Variants in ENTREP2 observed in about 807,000 individuals in gnomAD.
The protein encoded by ENTREP2 is endosomal transmembrane epsin interactor 2, also known as protein ENTREP2.
At chr15:29,228,998 T>C in the ENTREP2 span, among the ~76,000 whole-genome samples, 4 of 152,130 alleles carry the variant, frequency 2.6e-5, no homozygotes, top group East Asian at 1.9e-4. Flanking sequence ...AACATTTTTG[T>C]CCTTGGTAAT....
At chr15:29,439,915 A>G in the ENTREP2 span, among the ~76,000 whole-genome samples, 1 of 152,168 alleles carries the variant, frequency 6.6e-6, no homozygotes, top group Admixed American at 6.5e-5. Context: ...AGTAAGTCAC[A>G]TGTTGACATC....
chr15:29,318,013 A>G, the ENTREP2 span, among the ~76,000 whole-genome samples: 1 of 152,196 alleles, frequency 6.6e-6, no homozygotes, highest in Non-Finnish European at 1.5e-5. Flanking sequence ...CATGGCTCTC[A>G]CAGGCAACAA....
the ENTREP2 span, among the ~76,000 whole-genome samples, chr15:29,553,255 C>T: frequency 6.6e-6 from 1 of 152,102 alleles, no homozygotes; most frequent in Non-Finnish European, 1.5e-5. Flanking sequence ...GAGATCGCAC[C>T]ACTGTACTCC....
At chr15:29,522,198 C>A in the ENTREP2 span, among the ~76,000 whole-genome samples, 1 of 152,052 alleles carries the variant, frequency 6.6e-6, no homozygotes. Context: ...AGAATGGAAA[C>A]AAATCTTTAT....
At chr15:29,138,208 A>T in the ENTREP2 span, among the ~76,000 whole-genome samples, 1 of 152,170 alleles carries the variant, frequency 6.6e-6, no homozygotes, top group Middle Eastern at 3.4e-3. Flanking sequence ...AGAACATTCT[A>T]CTGGCCAACC....
the ENTREP2 span, among the ~76,000 whole-genome samples, chr15:29,349,740 T>C: frequency 2.0e-5 from 3 of 151,810 alleles, no homozygotes; most frequent in African/African-American, 7.3e-5. Flanking sequence ...TCCACTAAAA[T>C]ACAAAAAATT....
the ENTREP2 span, among the ~76,000 whole-genome samples, chr15:29,605,509 C>T: frequency 1.3e-5 from 2 of 152,150 alleles, no homozygotes; most frequent in Non-Finnish European, 2.9e-5. Flanking sequence ...CTAAATCTGA[C>T]TCATTTTTTA....
chr15:29,214,489 G>A, the ENTREP2 span, among the ~76,000 whole-genome samples: 1 of 152,138 alleles, frequency 6.6e-6, no homozygotes, highest in Non-Finnish European at 1.5e-5. Context: ...ACTGAACAAT[G>A]AGAACACTTG....
the ENTREP2 span, among the ~76,000 whole-genome samples, chr15:29,486,515 A>T: frequency 6.6e-6 from 1 of 152,132 alleles, no homozygotes; most frequent in East Asian, 1.9e-4. Flanking sequence ...ACATGGTGAA[A>T]CCCCATCTCC....
At chr15:29,351,917 G>T in the ENTREP2 span, among the ~76,000 whole-genome samples, 1 of 151,950 alleles carries the variant, frequency 6.6e-6, no homozygotes, top group African/African-American at 2.4e-5. Flanking sequence ...GGGATTACAT[G>T]CACGAGCCAC....
the ENTREP2 span, among the ~76,000 whole-genome samples, chr15:29,543,261 G>T: frequency 6.6e-6 from 1 of 152,158 alleles, no homozygotes; most frequent in East Asian, 1.9e-4. Flanking sequence ...TGGTGCCAGT[G>T]AACAAAGGAG....
chr15:29,297,930 G>A, the ENTREP2 span, among the ~76,000 whole-genome samples: 1 of 152,202 alleles, frequency 6.6e-6, no homozygotes, highest in Non-Finnish European at 1.5e-5. Context: ...CACATTTAGT[G>A]TTGAAACAAT....
the ENTREP2 span, among the ~76,000 whole-genome samples, chr15:29,139,746 G>C: frequency 6.6e-6 from 1 of 152,144 alleles, no homozygotes; most frequent in Non-Finnish European, 1.5e-5. Context: ...CCACCTTCCT[G>C]GACCCTTTTC....
At chr15:29,456,456 G>A in the ENTREP2 span, among the ~76,000 whole-genome samples, 24 of 152,274 alleles carry the variant, frequency 1.6e-4, no homozygotes, top group Admixed American at 5.2e-4. Flanking sequence ...TGGGGGTGAC[G>A]TCAAGGCTAT....
chr15:29,491,272 A>C, the ENTREP2 span, among the ~76,000 whole-genome samples: 1 of 152,130 alleles, frequency 6.6e-6, no homozygotes, highest in African/African-American at 2.4e-5. Flanking sequence ...ACCTCCCCGT[A>C]AGCAGAGGGA....
At chr15:29,169,633 T>C in the ENTREP2 span, among the ~76,000 whole-genome samples, 1 of 152,218 alleles carries the variant, frequency 6.6e-6, no homozygotes, top group Non-Finnish European at 1.5e-5. Context: ...AAGGATGTTT[T>C]AACATAATGT....
At chr15:29,226,978 G>A in the ENTREP2 span, among the ~76,000 whole-genome samples, 2 of 152,212 alleles carry the variant, frequency 1.3e-5, no homozygotes. Context: ...ACTGAACTAG[G>A]TTGTCACACA....
At chr15:29,443,265 A>G in the ENTREP2 span, among the ~76,000 whole-genome samples, 1 of 152,150 alleles carries the variant, frequency 6.6e-6, no homozygotes, top group Non-Finnish European at 1.5e-5. Context: ...CACCACTGTC[A>G]TTGGAATCCT....
the ENTREP2 span, among the ~76,000 whole-genome samples, chr15:29,127,450 T>C: frequency 6.6e-6 from 1 of 152,290 alleles, no homozygotes; most frequent in East Asian, 1.9e-4. Flanking sequence ...TCTGTGAGCC[T>C]GCCCATGGGC....
Sources: allele counts gnomAD v4.1 joint callset (sites outside exome capture counted in the v4.1 genomes callset), GRCh38; gene constraint gnomAD v4.1.1; transcripts MANE v1.5; gene names NCBI Gene and HGNC (gene_info 2026-07-23, HGNC 2026-07-21).